Variants in TRIM71 observed in about 807,000 individuals in gnomAD.
TRIM71 encodes tripartite motif containing 71.
Under a neutral mutation model 61.2 loss-of-function variants are expected in TRIM71, and 9 were observed. That is an observed-to-expected ratio of 0.15 (90% CI 0.09 to 0.26). The LOEUF (loss-of-function observed/expected upper bound fraction) is 0.26. Among genes scored for constraint, TRIM71 ranks in the 10% least tolerant of loss-of-function variants. The pLI is 1.00. For missense variants in TRIM71, 998 were observed against 1,238.7 expected, an observed-to-expected ratio of 0.81 and a Z score of 2.92; for synonymous variants, 645 against 553.2, an observed-to-expected ratio of 1.17 and a Z score of -2.33.
At chr3:32,879,352 C>T (rs1696883489) in intron 2 of TRIM71, among the ~76,000 whole-genome samples, 1 of 152,178 alleles carries the variant, frequency 6.6e-6, no homozygotes, top group Admixed American at 6.5e-5. Context: ...GCAATCACAG[C>T]TTTGACTGTT....
chr3:32,840,030 C>T (rs191450058), intron 1 of TRIM71, among the ~76,000 whole-genome samples: 1 of 152,196 alleles, frequency 6.6e-6, no homozygotes, highest in Non-Finnish European at 1.5e-5. Context: ...CACCTCTGCC[C>T]TTCAGAGCAA....
chr3:32,848,495 T>TTCCC (rs1168280916), intron 1 of TRIM71, among the ~76,000 whole-genome samples: 1 of 152,180 alleles, frequency 6.6e-6, no homozygotes. Flanking sequence ...TTGTGGAAGG[T>TTCCC]TCCCTCCGAA....
chr3:32,855,527 G>GC (rs1458926526), intron 1 of TRIM71, among the ~76,000 whole-genome samples: 1 of 152,132 alleles, frequency 6.6e-6, no homozygotes, highest in Non-Finnish European at 1.5e-5. Flanking sequence ...CCTGTCTCTA[G>GC]CCCTCCTCTT....
At chr3:32,838,305 A>G (rs1271072950) in intron 1 of TRIM71, among the ~76,000 whole-genome samples, 1 of 151,396 alleles carries the variant, frequency 6.6e-6, no homozygotes, top group Non-Finnish European at 1.5e-5. Context: ...GTTCACCGCA[A>G]CCTCCTCTTC....
intron 1 of TRIM71, among the ~76,000 whole-genome samples, chr3:32,826,890 G>A (rs909378115): frequency 5.3e-5 from 8 of 151,936 alleles, no homozygotes; most frequent in Non-Finnish European, 1.2e-4. Context: ...AGCCTTCCCA[G>A]TAGCTGGGAC....
At chr3:32,882,238 A>G (rs1373575746) in intron 2 of TRIM71, among the ~76,000 whole-genome samples, 1 of 151,932 alleles carries the variant, frequency 6.6e-6, no homozygotes, top group African/African-American at 2.4e-5. Context: ...TTTGGCAAGT[A>G]GTATGACATT....
intron 1 of TRIM71, among the ~76,000 whole-genome samples, chr3:32,828,448 G>C (rs1339660640): frequency 6.6e-6 from 1 of 151,328 alleles, no homozygotes; most frequent in African/African-American, 2.4e-5. Context: ...AAGGAGTAGA[G>C]CTGAAATATA....
rs1575337354 is a variant in TRIM71 at position 32,818,737 on chromosome 3, G to T, written c.657G>T (p.Leu219=). Residue 219 remains leucine, a synonymous_variant, in exon 1 of 4, where the codon CTG becomes CTT. Transcript: ENST00000383763. ...SSRCLDCQEH[L]CDNCVRAHQR... is the part of the protein sequence containing the mutation. The stretch of plus-strand genomic sequence containing the variant: ...GCTGCCTCGACTGCCAGGAGCACCT[G>T]TGCGACAACTGCGTCCGAGCGCACC... The T allele has an allele frequency of 6.2e-7, 1 of 1,601,624 alleles. No homozygotes were observed. Among genetic ancestry groups the T allele is most frequent in the Non-Finnish European group, 8.5e-7 (1 of 1,177,934 alleles).
At chr3:32,821,680 C>T (rs958012332) in intron 1 of TRIM71, among the ~76,000 whole-genome samples, 3 of 152,172 alleles carry the variant, frequency 2.0e-5, no homozygotes, top group Non-Finnish European at 4.4e-5. Context: ...GGCCTGCAGG[C>T]TCCGTGGCCC....
Position 32,818,270 on chromosome 3 carries a change from G to A in TRIM71, c.190G>A (p.Ala64Thr), listed in dbSNP as rs1257258509. 1.4e-6 allele frequency: 2 copies of A among 1,428,126 alleles called. No homozygotes were observed. The highest frequency in any genetic ancestry group is 3.3e-5 in the Admixed American group (1 of 30,326). The allele number at this position is 1,428,126 out of a possible 1,614,324, so 88.5% of individuals were successfully genotyped here. A position where few individuals can be genotyped will look rare whatever the true frequency, so the allele number is the denominator to read the frequency against. Residue 64 changes from alanine (A) to threonine (T), a missense_variant, in exon 1 of 4, where the codon GCC becomes ACC. Around this residue, in one of 5 missense-constraint regions of TRIM71, gnomAD observed 527 missense variants for 427.8 expected, o/e 1.23. Coordinates refer to ENST00000383763, the MANE Select transcript of TRIM71 (RefSeq NM_001039111.3). ...RRLHVLPCLH[A>T]FCRPCLEAHR... Reference sequence around the variant, plus strand: ...CCTACACGTCCTGCCCTGCCTGCACGCCTTCTGCCGCCCCTGCCTCGAGGC... The same window carrying A: ...CCTACACGTCCTGCCCTGCCTGCACACCTTCTGCCGCCCCTGCCTCGAGGC...
At chr3:32,860,150 C>G (rs1696650338) in intron 1 of TRIM71, among the ~76,000 whole-genome samples, 1 of 145,512 alleles carries the variant, frequency 6.9e-6, no homozygotes, top group South Asian at 2.4e-4. Flanking sequence ...CTCCCCTCTC[C>G]CCTCCCCTCT....
Position 32,890,365 on chromosome 3 carries a change from A to G in TRIM71, c.1161A>G (p.Glu387=). 1 of 1,606,676 alleles carries G rather than the reference A, an allele frequency of 6.2e-7. No homozygotes were observed. Among genetic ancestry groups the G allele is most frequent in the Non-Finnish European group, 8.5e-7 (1 of 1,173,828 alleles). The change falls in exon 4 of 4, where the codon GAA becomes GAG. Residue 387 remains glutamate, a synonymous_variant. Transcript: ENST00000383763. The surrounding 1 kb of genome is among the most constrained non-coding windows in gnomAD (Gnocchi z 6.2). ...ACTCTTGCTTTTCCCTCCAGGTAGA[A>G]AAGATCCGCCAGGTGAAAGCCAAGT... ...ERECELLWKV[E]KIRQVKAKSL...
intron 1 of TRIM71, among the ~76,000 whole-genome samples, chr3:32,819,950 C>T (rs1267278826): frequency 6.6e-6 from 1 of 152,260 alleles, no homozygotes; most frequent in East Asian, 1.9e-4. Flanking sequence ...TAAACATTTG[C>T]TTTTCACACA....
chr3:32,835,196 C>T (rs77799149), intron 1 of TRIM71, among the ~76,000 whole-genome samples: 39 of 152,164 alleles, frequency 2.6e-4, no homozygotes, highest in Non-Finnish European at 3.7e-4. Flanking sequence ...TGGCATGTTA[C>T]GGACATCTGG....
At chr3:32,838,663 G>A (rs547876165) in intron 1 of TRIM71, among the ~76,000 whole-genome samples, 1 of 152,184 alleles carries the variant, frequency 6.6e-6, no homozygotes, top group African/African-American at 2.4e-5. Context: ...CTTGGAGGAA[G>A]GTTGCTTGTA....
At chr3:32,870,672 G>A in intron 1 of TRIM71, among the ~76,000 whole-genome samples, 1 of 152,122 alleles carries the variant, frequency 6.6e-6, no homozygotes, top group Admixed American at 6.6e-5. Flanking sequence ...CCATTCATGG[G>A]GGGATTGCAA....
chr3:32,864,173 G>A (rs1182011821), intron 1 of TRIM71, among the ~76,000 whole-genome samples: 1 of 152,112 alleles, frequency 6.6e-6, no homozygotes, highest in African/African-American at 2.4e-5. Context: ...GAACTCCTTG[G>A]GCTCAAGCAA....
intron 2 of TRIM71, among the ~76,000 whole-genome samples, chr3:32,879,823 G>C (rs933777757): frequency 6.6e-6 from 1 of 151,584 alleles, no homozygotes; most frequent in Non-Finnish European, 1.5e-5. Flanking sequence ...AAATGAAGAA[G>C]GTTAGCCAGA....
At chr3:32,873,620 G>A (rs1312393664) in intron 1 of TRIM71, among the ~76,000 whole-genome samples, 198 bp from the exon 2 acceptor site, 1 of 152,194 alleles carries the variant, frequency 6.6e-6, no homozygotes, top group Non-Finnish European at 1.5e-5. Context: ...TTGGGGCAGA[G>A]AGAGTGGGAG....
Sources: allele counts gnomAD v4.1 joint callset (sites outside exome capture counted in the v4.1 genomes callset), GRCh38; gene constraint gnomAD v4.1.1; regional missense constraint gnomAD v4.1.1; non-coding constraint Gnocchi (gnomAD v3.1); transcripts MANE v1.5; gene names NCBI Gene and HGNC (gene_info 2026-07-23, HGNC 2026-07-21).